The following RGS5 variants were observed in gnomAD, a reference collection of about 807,000 sequenced individuals.
RGS5 encodes the protein regulator of G protein signaling 5, also known as regulator of G-protein signalling 5.
In RGS5, 20 loss-of-function variants were observed where a neutral mutation model predicts 18.9. That is an observed-to-expected ratio of 1.06 (90% CI 0.74 to 1.54). The LOEUF (loss-of-function observed/expected upper bound fraction) is 1.54. Among genes scored for constraint, RGS5 ranks in the 40% most tolerant of loss-of-function variants. RGS5 has a pLI of 0.00. For missense variants in RGS5, 201 were observed against 211.8 expected, an observed-to-expected ratio of 0.95 and a Z score of 0.32; for synonymous variants, 57 against 76.2, an observed-to-expected ratio of 0.75 and a Z score of 1.31.
chr1:163,280,241 A>G (rs1249569397), intron 2 of RGS5, among the ~76,000 whole-genome samples: 2 of 152,134 alleles, frequency 1.3e-5, no homozygotes, highest in Non-Finnish European at 2.9e-5. Context: ...TTCTTGAGGA[A>G]CACAGTTGTA....
At chr1:163,269,481 G>A (rs1648659278) in intron 2 of RGS5, among the ~76,000 whole-genome samples, 1 of 152,094 alleles carries the variant, frequency 6.6e-6, no homozygotes, top group South Asian at 2.1e-4. Flanking sequence ...TTCTGGTTGG[G>A]ACAATCAAAG....
At chr1:163,238,648 G>T in intron 2 of RGS5, 1 of 267,376 alleles carries the variant, frequency 3.7e-6, no homozygotes, top group South Asian at 8.0e-5. Flanking sequence ...CAGGAATGAG[G>T]ATTTGGGTGG....
At chr1:163,166,055 A>G (rs1237426112) in intron 2 of RGS5, among the ~76,000 whole-genome samples, 2 of 152,202 alleles carry the variant, frequency 1.3e-5, no homozygotes, top group African/African-American at 4.8e-5. Flanking sequence ...ACTGAAAGCC[A>G]TGAGTACAGA....
At chr1:163,234,987 C>G (rs757272217) in intron 2 of RGS5, among the ~76,000 whole-genome samples, 2 of 152,160 alleles carry the variant, frequency 1.3e-5, no homozygotes, top group Non-Finnish European at 2.9e-5. Flanking sequence ...AATTGTACAC[C>G]ATCACTTCTG....
At chr1:163,199,517 C>A (rs1008512032) in intron 1 of RGS5, among the ~76,000 whole-genome samples, 1 of 151,964 alleles carries the variant, frequency 6.6e-6, no homozygotes, top group Admixed American at 6.6e-5. Flanking sequence ...GATATCCTTA[C>A]CCATTATATA....
intron 1 of RGS5, among the ~76,000 whole-genome samples, chr1:163,208,304 C>T (rs1248945762): frequency 5.2e-5 from 7 of 135,660 alleles, no homozygotes; most frequent in Non-Finnish European, 9.3e-5. Flanking sequence ...GCCGAGATCC[C>T]GCCACTGCAC....
At chr1:163,165,702 T>C (rs1240643821) in intron 2 of RGS5, among the ~76,000 whole-genome samples, 1 of 152,124 alleles carries the variant, frequency 6.6e-6, no homozygotes, top group Non-Finnish European at 1.5e-5. Flanking sequence ...GGTCAGGTGT[T>C]CGAGACCAGC....
intron 2 of RGS5, among the ~76,000 whole-genome samples, chr1:163,246,954 C>T (rs1173418041): frequency 1.3e-5 from 2 of 152,156 alleles, no homozygotes; most frequent in South Asian, 4.1e-4. Context: ...AGCTGGGGGC[C>T]ATTACCCTAA....
intron 1 of RGS5, among the ~76,000 whole-genome samples, chr1:163,197,169 C>G (rs1427699814): frequency 3.3e-5 from 5 of 152,084 alleles, no homozygotes; most frequent in Admixed American, 6.6e-5. Flanking sequence ...CGGTTTCCCT[C>G]CTTGCTGGCC....
At chr1:163,169,095 G>T (rs1658187728) in intron 1 of RGS5, among the ~76,000 whole-genome samples, 1 of 147,720 alleles carries the variant, frequency 6.8e-6, no homozygotes, top group Non-Finnish European at 1.5e-5. Flanking sequence ...TCCCACCTAT[G>T]AGTGAGAACA....
chr1:163,224,125 G>T (rs535552950), intron 2 of RGS5, among the ~76,000 whole-genome samples: 2 of 151,962 alleles, frequency 1.3e-5, no homozygotes, highest in East Asian at 3.9e-4. Flanking sequence ...GTTAACTATA[G>T]TCACCCTACT....
chr1:163,198,780 T>G (rs1571280075), intron 1 of RGS5, among the ~76,000 whole-genome samples: 1 of 152,146 alleles, frequency 6.6e-6, no homozygotes, highest in East Asian at 1.9e-4. Flanking sequence ...ACAGGTGCTA[T>G]CCACTGTGCC....
chr1:163,292,863 G>GT (rs35977531), intron 2 of RGS5, among the ~76,000 whole-genome samples: 62,947 of 151,816 alleles, frequency 0.41, 13,531 homozygotes, highest in South Asian at 0.5. Flanking sequence ...TTTTAATGGG[G>GT]TTTTTTGGTT....
chr1:163,317,458 C>T (rs1252859180), intron 1 of RGS5, among the ~76,000 whole-genome samples: 1 of 152,178 alleles, frequency 6.6e-6, no homozygotes, highest in African/African-American at 2.4e-5. Flanking sequence ...CTATTTCTAT[C>T]CACACTGGCA....
chr1:163,178,152 T>C (rs1266211195), intron 1 of RGS5, among the ~76,000 whole-genome samples: 3 of 151,828 alleles, frequency 2.0e-5, no homozygotes, highest in Non-Finnish European at 2.9e-5. Flanking sequence ...CTTCTAAAAA[T>C]ACAAAAAAAT....
chr1:163,235,218 C>T (rs147410396), intron 2 of RGS5, among the ~76,000 whole-genome samples: 183 of 152,294 alleles, frequency 1.2e-3, no homozygotes, highest in Middle Eastern at 6.8e-3. Context: ...TTGATCTCAT[C>T]ATATAAATCC....
At chr1:163,207,186 A>C (rs1181645543), upstream of RGS5, among the ~76,000 whole-genome samples, 1 of 152,220 alleles carries the variant, frequency 6.6e-6, no homozygotes, top group African/African-American at 2.4e-5. Flanking sequence ...TAACATAGGA[A>C]GTGTAAAGTC....
In RGS5 at chr1:163,300,957, A is replaced by G. The variant is rs574270734; in HGVS notation, c.-281+5276T>C. Reference sequence around the variant, plus strand: ...TGTTGTGCATAGGAATAAGTTTGAAAGCAGGCTACAGGCCTGGTATGGGAA... The same window carrying G: ...TGTTGTGCATAGGAATAAGTTTGAAGGCAGGCTACAGGCCTGGTATGGGAA... On this transcript the variant is annotated intron_variant, in intron 2 of 5. Transcript: ENST00000618415. 2.0e-3 allele frequency among the ~76,000 whole-genome samples: 307 copies of G among 152,322 alleles called. 1 individual carries two copies. Among genetic ancestry groups the G allele is most frequent in the Middle Eastern group, 0.014 (4 of 294 alleles).
intron 2 of RGS5, among the ~76,000 whole-genome samples, chr1:163,302,974 T>C (rs2101643405): frequency 6.6e-6 from 1 of 152,324 alleles, no homozygotes; most frequent in Middle Eastern, 3.4e-3. Context: ...TCTCATTTGC[T>C]CCTCTAGACT....
Sources: allele counts gnomAD v4.1 joint callset (sites outside exome capture counted in the v4.1 genomes callset), GRCh38; gene constraint gnomAD v4.1.1; transcripts MANE v1.5; gene names NCBI Gene and HGNC (gene_info 2026-07-23, HGNC 2026-07-21).